The following SHTN1 variants were observed in gnomAD, a reference collection of about 807,000 sequenced individuals.
The protein encoded by SHTN1 is shootin-1.
In SHTN1, 42 loss-of-function variants were observed where a neutral mutation model predicts 83.1. That is an observed-to-expected ratio of 0.51 (90% confidence interval 0.39 to 0.65). The LOEUF is 0.65. SHTN1 is among the 30% of genes least tolerant of loss of function. The pLI is 0.00. For missense variants in SHTN1, 622 were observed against 737.8 expected, an observed-to-expected ratio of 0.84 and a Z score of 1.82; for synonymous variants, 224 against 247.7, an observed-to-expected ratio of 0.90 and a Z score of 0.90.
chr10:116,893,694 A>G (rs1270815166), intron 16 of SHTN1, among the ~76,000 whole-genome samples: 1 of 151,626 alleles, frequency 6.6e-6, no homozygotes, highest in East Asian at 1.9e-4. Flanking sequence ...CAGGACTAAA[A>G]GAACTTCCCT....
chr10:116,964,327 C>T (rs1046795740), intron 3 of SHTN1, among the ~76,000 whole-genome samples: 36 of 152,124 alleles, frequency 2.4e-4, no homozygotes, highest in Non-Finnish European at 4.6e-4. Flanking sequence ...TTTGAGAACA[C>T]GGAGGCCCAG....
rs1017155218 is a variant in SHTN1, at chr10:116,942,458, C to G, written c.712-1846G>C. Among the ~76,000 whole-genome samples, 3 of 152,148 alleles carry G rather than the reference C, an allele frequency of 2.0e-5. No homozygotes were observed. The East Asian group carries it at 5.8e-4, about 29-fold the overall frequency. On this transcript the variant is annotated intron_variant, in intron 8 of 16. Transcript: ENST00000355371. The stretch of plus-strand genomic sequence containing the variant: ...GAACTCCTGGCCTCAATTGATCCCC[C>G]CGCCTCGGCCTCCCAAAGTGCTTGG...
chr10:117,029,795 C>T (rs1484705184), intron 2 of SHTN1, among the ~76,000 whole-genome samples: 1 of 152,136 alleles, frequency 6.6e-6, no homozygotes, highest in Admixed American at 6.5e-5. Context: ...CATCATGCTT[C>T]CTGTATAGCC....
chr10:116,892,785 G>A (rs923507770), intron 16 of SHTN1, among the ~76,000 whole-genome samples: 5 of 152,096 alleles, frequency 3.3e-5, no homozygotes, highest in Non-Finnish European at 7.4e-5. Context: ...ATCTGACATT[G>A]CATTTGAGTT....
In SHTN1 at chr10:116,921,430, T is replaced by G. The variant is rs927102658; in HGVS notation, c.1195+4A>C. The G allele has an allele frequency of 6.2e-7, 1 of 1,609,632 alleles. No individual in the cohort carries two copies. The highest frequency in any genetic ancestry group is 1.3e-5 in the African/African-American group (1 of 74,818). On this transcript the variant is annotated splice_donor_region_variant and intron_variant, in intron 12 of 16. Coordinates refer to ENST00000355371, the MANE Select transcript of SHTN1 (RefSeq NM_001127211.3). ...CCACTTACACCAATAGAAGTGATGC[T>G]TACTTGTTTCTGGTTGAGTTGCCTT... is the stretch of plus-strand genomic sequence containing the variant.
intron 1 of SHTN1, among the ~76,000 whole-genome samples, chr10:117,072,294 G>A (rs572276938): frequency 6.6e-6 from 1 of 152,142 alleles, no homozygotes; most frequent in African/African-American, 2.4e-5. Context: ...TTGTGATTGT[G>A]GTTCCATCAT....
intron 1 of SHTN1, among the ~76,000 whole-genome samples, chr10:117,067,552 G>A (rs932868542): frequency 5.3e-5 from 8 of 151,846 alleles, no homozygotes; most frequent in African/African-American, 9.7e-5. Flanking sequence ...CCAAGATCGC[G>A]CCACTGTACT....
At chr10:116,899,357 C>T (rs559504964) in intron 16 of SHTN1, among the ~76,000 whole-genome samples, 1 of 152,136 alleles carries the variant, frequency 6.6e-6, no homozygotes, top group East Asian at 1.9e-4. Context: ...GAGAAGATAA[C>T]ATTTGAGCAA....
intron 3 of SHTN1, among the ~76,000 whole-genome samples, chr10:116,964,072 G>GCACCTAACAC (rs1850305841): frequency 6.6e-6 from 1 of 151,278 alleles, no homozygotes; most frequent in African/African-American, 2.4e-5. Context: ...CTAGCACAAT[G>GCACCTAACAC]CTACATGCAA....
At position 116,886,193 on chromosome 10, in the gene SHTN1, GT is replaced by G; in HGVS notation, c.*150del. 1 of 1,097,110 alleles carries G rather than the reference GT, an allele frequency of 9.1e-7. No individual in the cohort carries two copies. Among genetic ancestry groups the G allele is most frequent in the East Asian group, 2.6e-5 (1 of 38,618 alleles). The allele number at this position is 1,097,110 out of a possible 1,614,324, so 68.0% of individuals were successfully genotyped here. On this transcript the variant is annotated 3_prime_UTR_variant, in exon 17 of 17. Transcript: ENST00000355371. Reference sequence around the variant, plus strand: ...GCTAAACAGCTTACTTATGTTTATAGTTGCTACTTACAAAAGTGACACCAGA... The same window carrying G: ...GCTAAACAGCTTACTTATGTTTATAGTGCTACTTACAAAAGTGACACCAGA...
intron 16 of SHTN1, among the ~76,000 whole-genome samples, chr10:116,895,995 G>T (rs1847503622): frequency 6.6e-6 from 1 of 152,126 alleles, no homozygotes; most frequent in Admixed American, 6.5e-5. Flanking sequence ...CTGGAAGCTG[G>T]TTCCATTACC....
chr10:117,022,256 CTTT>C (rs1162786272), intron 2 of SHTN1, among the ~76,000 whole-genome samples: 2 of 152,150 alleles, frequency 1.3e-5, no homozygotes, highest in African/African-American at 4.8e-5. Context: ...TGCAGTTCAA[CTTT>C]TTATTTTAAT....
intron 1 of SHTN1, among the ~76,000 whole-genome samples, chr10:117,091,837 C>A (rs988089822): frequency 6.6e-6 from 1 of 152,148 alleles, no homozygotes; most frequent in Non-Finnish European, 1.5e-5. Flanking sequence ...CTCTTCCTCC[C>A]ACTCTGCCAG....
intron 1 of SHTN1, among the ~76,000 whole-genome samples, chr10:116,997,685 T>A (rs1286692716): frequency 6.6e-6 from 1 of 152,216 alleles, no homozygotes; most frequent in African/African-American, 2.4e-5. Flanking sequence ...TTGGCCTTGA[T>A]CATCTAGCTG....
At chr10:117,037,731 G>A (rs2093118827) in intron 2 of SHTN1, among the ~76,000 whole-genome samples, 1 of 152,098 alleles carries the variant, frequency 6.6e-6, no homozygotes, top group Non-Finnish European at 1.5e-5. Flanking sequence ...CCAGAGGCTG[G>A]GTGTGGTGGC....
At position 116,889,433 on chromosome 10, in the gene SHTN1, G is replaced by A. The variant is rs77408351; in HGVS notation, c.1674-2867C>T. ...CCCCTTTGTTATCACTGAACTAGGCGCAGTGGGCATTTTCTGAATCTAGGC... is the reference window on the plus strand; with the variant it reads ...CCCCTTTGTTATCACTGAACTAGGCACAGTGGGCATTTTCTGAATCTAGGC... On this transcript the variant is annotated intron_variant, in intron 16 of 16. Transcript: ENST00000355371. Among the ~76,000 whole-genome samples, 1,067 of 152,262 alleles carry A rather than the reference G, an allele frequency of 7.0e-3. 17 individuals are homozygous for A. The highest frequency in any genetic ancestry group is 0.021 in the African/African-American group (877 of 41,540).
intron 1 of SHTN1, among the ~76,000 whole-genome samples, chr10:116,994,208 T>C (rs1038766259): frequency 6.6e-6 from 1 of 152,058 alleles, no homozygotes; most frequent in Non-Finnish European, 1.5e-5. Flanking sequence ...TCTGTTTTTA[T>C]TGAGGAAAGG....
chr10:117,071,438 G>T (rs146544008), intron 1 of SHTN1, among the ~76,000 whole-genome samples: 1 of 152,172 alleles, frequency 6.6e-6, no homozygotes. Flanking sequence ...CAATAAGTCA[G>T]CTCAGTGAAT....
rs534800500 is a variant in SHTN1 at position 116,987,173 on chromosome 10, C to T, written c.59-7865G>A. ...GGCAAATACCCAACGCCAGCCCCCA[C>T]TAGCCTTCTTGTCTCATCTAAGAGG... is the stretch of plus-strand genomic sequence containing the variant. On this transcript the variant is annotated intron_variant, in intron 1 of 16. Transcript: ENST00000355371. 4.6e-5 allele frequency among the ~76,000 whole-genome samples: 7 copies of T among 152,298 alleles called. No homozygotes were observed. The East Asian group carries it at 1.4e-3, about 29-fold the overall frequency.
Sources: allele counts gnomAD v4.1 joint callset (sites outside exome capture counted in the v4.1 genomes callset), GRCh38; gene constraint gnomAD v4.1.1; transcripts MANE v1.5; gene names NCBI Gene and HGNC (gene_info 2026-07-23, HGNC 2026-07-21).